Variants in ARSA observed in about 807,000 individuals in gnomAD.
ARSA encodes cerebroside-sulfatase.
ARSA carries 32 observed loss-of-function variants against 37.8 expected under a neutral mutation model. The observed-to-expected ratio is 0.85, with a 90% CI of 0.64 to 1.14. The LOEUF (loss-of-function observed/expected upper bound fraction) is 1.14, where lower values mean the gene tolerates loss of function less well. Among genes scored for constraint, ARSA ranks in the 50% most tolerant of loss-of-function variants. The pLI is 0.00. For missense variants in ARSA, 685 were observed against 686.3 expected, an observed-to-expected ratio of 1.00 and a Z score of 0.02; for synonymous variants, 303 against 303.4, an observed-to-expected ratio of 1.00 and a Z score of 0.01.
chr22:50,627,579 A>C lies in ARSA; in HGVS notation c.201T>G (p.Pro67=). The C allele has an allele frequency of 3.8e-6, 6 of 1,561,862 alleles. No homozygotes were observed. Among genetic ancestry groups the C allele is most frequent in the Non-Finnish European group, 5.2e-6 (6 of 1,152,524 alleles). Residue 67 remains proline, a synonymous_variant, in exon 1 of 8, where the codon CCT becomes CCG. Coordinates refer to ENST00000216124, the MANE Select transcript of ARSA (RefSeq NM_000487.6). ...GGLRFTDFYV[P]VSLCTPSRAA... ...ACCTAGAGGGTGTGCACAGAGACAC[A>C]GGCACGTAGAAGTCTGTGAACCGCA... is the stretch of plus-strand genomic sequence containing the variant.
chr22:50,626,505 T>C (rs1399794791), intron 4 of ARSA, 86 bp downstream of exon 4: 20 of 1,587,216 alleles, frequency 1.3e-5, no homozygotes, highest in African/African-American at 8.0e-5. Context: ...TCACCCACTA[T>C]GTTCTTGGCA....
In ARSA at chr22:50,625,153, G is replaced by A. The variant is rs1278738755; in HGVS notation, c.1522C>T (p.His508Tyr). Residue 508 changes from histidine to tyrosine, a missense_variant, in exon 8 of 8, where the codon CAT (histidine) becomes TAT (tyrosine). His to Tyr is a moderately conservative substitution (Grantham distance 83). Transcript: ENST00000216124. The stretch of plus-strand genomic sequence containing the variant: ...GGCCAGCCGAGGGGCCCTCAGGCAT[G>A]GGGATCTGGGCAATGGCAGCAAGCT... ...RPACCHCPDPHA is the reference protein window; with the variant it reads ...RPACCHCPDPYA The A allele has an allele frequency of 3.8e-6, 6 of 1,571,982 alleles. No homozygotes were observed. In the Admixed American group the frequency reaches 7.3e-5, roughly 19 times the overall value.
chr22:50,627,560 A>T lies in ARSA; in HGVS notation c.220T>A (p.Ser74Thr). The change falls in exon 1 of 8, where the codon TCT (serine) becomes ACT (threonine). Residue 74 changes from serine (S) to threonine (T), a missense_variant. Physicochemically the swap from Ser to Thr is moderately conservative, Grantham distance 58 (BLOSUM62 1). Transcript: ENST00000216124. ...GAGGCGCGGCCCCCTCTTTACCTAG[A>T]GGGTGTGCACAGAGACACAGGCACG... Reference protein sequence around the residue: ...FYVPVSLCTPSRAALLTGRLP... With the variant: ...FYVPVSLCTPTRAALLTGRLP... The T allele has an allele frequency of 6.4e-7, 1 of 1,560,496 alleles. No individual in the cohort carries two copies. The highest frequency in any genetic ancestry group is 8.7e-7 in the Non-Finnish European group (1 of 1,151,918).
In ARSA at chr22:50,627,968, G is replaced by A; in HGVS notation, c.-189C>T. On this transcript the variant is annotated 5_prime_UTR_variant, in exon 1 of 8. Transcript: ENST00000216124. Reference sequence around the variant, plus strand: ...TACCGGGAGACCGCGGGCTGGGACGGAACTCCTCCAGGACCAGGGCACCTT... The same window carrying A: ...TACCGGGAGACCGCGGGCTGGGACGAAACTCCTCCAGGACCAGGGCACCTT... The A allele has an allele frequency of 1.6e-6, 1 of 608,116 alleles. No homozygotes were observed. Among genetic ancestry groups the A allele is most frequent in the Non-Finnish European group, 2.9e-6 (1 of 346,060 alleles). The allele number at this position is 608,116 out of a possible 1,614,324, so 37.7% of individuals were successfully genotyped here.
At chr22:50,627,468 GAC>G in intron 1 of ARSA, 62 bp from the exon 2 acceptor site, 1 of 1,601,404 alleles carries the variant, frequency 6.2e-7, no homozygotes, top group Non-Finnish European at 8.5e-7. Flanking sequence ...TAGAGAGAGA[GAC>G]AGACGTTTTT....
At position 50,624,947 on chromosome 22, in the gene ARSA, C is replaced by CTCAA; in HGVS notation, c.*197_*198insTTGA. 1.5e-6 allele frequency: 1 copy of CTCAA among 661,480 alleles called. No individual in the cohort carries two copies. The highest frequency in any genetic ancestry group is 2.5e-6 in the Non-Finnish European group (1 of 404,224). The allele number at this position is 661,480 out of a possible 1,614,324, so 41.0% of individuals were successfully genotyped here. A position where few individuals can be genotyped will look rare whatever the true frequency, so the allele number is the denominator to read the frequency against. ...CTTGTACAAGTCCTGAACCTCTCTG[C>CTCAA]ACCTCAGTTTCCTCATTCGTACCAC... On this transcript the variant is annotated 3_prime_UTR_variant, in exon 8 of 8. Transcript: ENST00000216124.
At position 50,626,873 on chromosome 22, in the gene ARSA, C is replaced by G. The variant is rs757515500; in HGVS notation, c.645G>C (p.Gln215His). ...ACAGGAAGAAGGGGCGATCCTGGCG[C>G]TGGGCGTCGGCCATGAGGTCATGGG... ...AFAHDLMADA[Q>H]RQDRPFFLYY... The change falls in exon 3 of 8, where the codon CAG (glutamine) becomes CAC (histidine). Residue 215 changes from glutamine to histidine, a missense_variant. Physicochemically the swap from Gln to His is conservative, Grantham distance 24. Coordinates refer to ENST00000216124, the MANE Select transcript of ARSA (RefSeq NM_000487.6). 1.2e-6 allele frequency: 2 copies of G among 1,613,412 alleles called. No individual in the cohort carries two copies. Among genetic ancestry groups the G allele is most frequent in the Non-Finnish European group, 1.7e-6 (2 of 1,179,814 alleles).
At chr22:50,627,445 A>T (rs1358434812) in intron 1 of ARSA, 39 bp from the exon 2 acceptor site, 1 of 1,607,356 alleles carries the variant, frequency 6.2e-7, no homozygotes, top group Non-Finnish European at 8.5e-7. Flanking sequence ...ACAGACAGAA[A>T]TGTGGCCTTC....
In ARSA at chr22:50,623,898, C is replaced by CAAAAAAAAAAAAAAAAAAAAAAAAAAA. The variant is rs131716; in HGVS notation, c.*1220_*1246dup. 7.1e-6 allele frequency: 1 copy of CAAAAAAAAAAAAAAAAAAAAAAAAAAA among 141,750 alleles called. No homozygotes were observed. Among genetic ancestry groups the CAAAAAAAAAAAAAAAAAAAAAAAAAAA allele is most frequent in the Non-Finnish European group, 1.6e-5 (1 of 64,152 alleles). 8.8% of individuals were successfully genotyped at this position (141,750 alleles called of 1,614,324 possible). A position where few individuals can be genotyped will look rare whatever the true frequency, so the allele number is the denominator to read the frequency against. ...TGGGCGACAGAGCGAGACTCCGTCTCAAAAAAAAAAAAAAAAAAAAAAAAA... is the reference window on the plus strand; with the variant it reads ...TGGGCGACAGAGCGAGACTCCGTCTCAAAAAAAAAAAAAAAAAAAAAAAAAAAAAAAAAAAAAAAAAAAAAAAAAAAA... On this transcript the variant is annotated 3_prime_UTR_variant, in exon 8 of 8. Coordinates refer to ENST00000216124, the MANE Select transcript of ARSA (RefSeq NM_000487.6).
In ARSA at chr22:50,626,987, G is replaced by T; in HGVS notation, c.531C>A (p.Gly177=). The change falls in exon 3 of 8, where the codon GGC becomes GGA. Residue 177 remains glycine, a synonymous_variant. Transcript: ENST00000216124. Reference sequence around the variant, plus strand: ...TGGCCAACAGTGGGATGGGGACCAGGCCCTGGTCACAGCCACCGTCGCAAG... The same window carrying T: ...TGGCCAACAGTGGGATGGGGACCAGTCCCTGGTCACAGCCACCGTCGCAAG... ...ATPCDGGCDQ[G]LVPIPLLANL... 1 of 1,612,638 alleles carries T rather than the reference G, an allele frequency of 6.2e-7. No individual in the cohort carries two copies.
In ARSA at chr22:50,626,512, G is replaced by C. The variant is rs539123842; in HGVS notation, c.854+79C>G. On this transcript the variant is annotated intron_variant, in intron 4 of 7. Transcript: ENST00000216124. ...GCACCCCCTCACCCACTATGTTCTT[G>C]GCAAGCAGCTGAACTGCAAGGCCTC... The C allele has an allele frequency of 7.7e-5, 123 of 1,592,282 alleles. No individual in the cohort carries two copies. The African/African-American group carries it at 1.4e-3, about 19-fold the overall frequency.
At chr22:50,625,841 A>G (rs2082655593) in intron 6 of ARSA, 95 bp downstream of exon 6, 4 of 1,543,744 alleles carry the variant, frequency 2.6e-6, no homozygotes, top group Non-Finnish European at 3.5e-6. Flanking sequence ...TGCAGGAGGC[A>G]CTGAGGCACA....
At position 50,627,584 on chromosome 22, in the gene ARSA, C is replaced by G. The variant is rs2082697969; in HGVS notation, c.196G>C (p.Val66Leu). ...GAGGGTGTGCACAGAGACACAGGCA[C>G]GTAGAAGTCTGTGAACCGCAGCCCT... ...AGGLRFTDFYVPVSLCTPSRA... is the reference protein window; with the variant it reads ...AGGLRFTDFYLPVSLCTPSRA... The change falls in exon 1 of 8, where the codon GTG becomes CTG. Residue 66 changes from valine to leucine, a missense_variant. Physicochemically the swap from Val to Leu is conservative, Grantham distance 32. Coordinates refer to ENST00000216124, the MANE Select transcript of ARSA (RefSeq NM_000487.6). 1.3e-6 allele frequency: 2 copies of G among 1,562,364 alleles called. No individual in the cohort carries two copies. The highest frequency in any genetic ancestry group is 1.7e-6 in the Non-Finnish European group (2 of 1,152,900).
At position 50,625,410 on chromosome 22, in the gene ARSA, AG is replaced by A. The variant is rs755635209; in HGVS notation, c.1264del (p.Leu422Ter). On this transcript the variant is annotated frameshift_variant, in exon 8 of 8. Coordinates refer to ENST00000216124, the MANE Select transcript of ARSA (RefSeq NM_000487.6). LOFTEE classifies it low-confidence loss of function (END_TRUNC). Reference sequence around the variant, plus strand: ...GAGCAGCGGGGGCTCATGAGCAGTCAGAGAGCTGGAGGCGTGGCAGGCAGGG... The same window carrying A: ...GAGCAGCGGGGGCTCATGAGCAGTCAAGAGCTGGAGGCGTGGCAGGCAGGG... ...ADPACHASSS[L>X]TAHEPPLLYD... 5 of 1,597,132 alleles carry A rather than the reference AG, an allele frequency of 3.1e-6. No individual in the cohort carries two copies. In the African/African-American group the frequency reaches 5.4e-5, roughly 17 times the overall value.
rs546035074 is a variant in ARSA at position 50,628,003 on chromosome 22, G to C, written c.-224C>G. ...AGGACCAGGGCACCTTCAGATTCTCGAGCGGAGATCTGATCCTCCTCGCCT... is the reference window on the plus strand; with the variant it reads ...AGGACCAGGGCACCTTCAGATTCTCCAGCGGAGATCTGATCCTCCTCGCCT... On this transcript the variant is annotated 5_prime_UTR_variant, in exon 1 of 8. Coordinates refer to ENST00000216124, the MANE Select transcript of ARSA (RefSeq NM_000487.6). 2.3e-3 allele frequency: 1,311 copies of C among 573,412 alleles called. 4 individuals are homozygous for C. The highest frequency in any genetic ancestry group is 3.3e-3 in the Non-Finnish European group (1,055 of 321,340). 35.5% of individuals were successfully genotyped at this position (573,412 alleles called of 1,614,324 possible).
chr22:50,626,525 A>T (rs2082671592), intron 4 of ARSA, 66 bp downstream of exon 4: 3 of 1,600,182 alleles, frequency 1.9e-6, no homozygotes, highest in Admixed American at 3.3e-5. Flanking sequence ...AAGCAGCTGA[A>T]CTGCAAGGCC....
Position 50,627,379 on chromosome 22 carries a change from C to T in ARSA, c.252G>A (p.Pro84=). The part of the protein sequence containing the change: ...SRAALLTGRL[P]VRMGMYPGVL... ...CGCCAGGGTACATGCCCATCCGAAC[C>T]GGGAGCCGGCCGGTCAGGAGGGCGG... The change falls in exon 2 of 8, where the codon CCG becomes CCA. Residue 84 remains proline (P), a synonymous_variant. Coordinates refer to ENST00000216124, the MANE Select transcript of ARSA (RefSeq NM_000487.6). 3 of 1,605,922 alleles carry T rather than the reference C, an allele frequency of 1.9e-6. No homozygotes were observed. Among genetic ancestry groups the T allele is most frequent in the South Asian group, 1.1e-5 (1 of 90,148 alleles).
At position 50,625,505 on chromosome 22, in the gene ARSA, A is replaced by T. The variant is rs761875290; in HGVS notation, c.1211-41T>A. 1.4e-5 allele frequency: 23 copies of T among 1,587,876 alleles called. 1 individual carries two copies. The East Asian group carries it at 5.2e-4, about 36-fold the overall frequency. ...ATTCTGTGCACAGGGCAAGGGCGAGAGGAGGGGCCAGGGATCTAGGGCTCC... is the reference window on the plus strand; with the variant it reads ...ATTCTGTGCACAGGGCAAGGGCGAGTGGAGGGGCCAGGGATCTAGGGCTCC... On this transcript the variant is annotated intron_variant, in intron 7 of 7. Coordinates refer to ENST00000216124, the MANE Select transcript of ARSA (RefSeq NM_000487.6).
rs1041022775 is a variant in ARSA at position 50,623,222 on chromosome 22, G to A, written c.*1923C>T. The A allele has an allele frequency of 1.3e-5, 2 of 152,244 alleles. No individual in the cohort carries two copies. The highest frequency in any genetic ancestry group is 2.9e-5 in the Non-Finnish European group (2 of 68,074). 9.4% of individuals were successfully genotyped at this position (152,244 alleles called of 1,614,324 possible). ...TCAGTGTGCCATGCTGCACAGACAC[G>A]GGCAGGTGCTCAGACAGTCCCTCCC... On this transcript the variant is annotated 3_prime_UTR_variant, in exon 8 of 8. Coordinates refer to ENST00000216124, the MANE Select transcript of ARSA (RefSeq NM_000487.6).
Sources: allele counts gnomAD v4.1 joint callset, GRCh38; gene constraint gnomAD v4.1.1; transcripts MANE v1.5; gene names NCBI Gene and HGNC (gene_info 2026-07-23, HGNC 2026-07-21).